RNF220: variants seen among roughly 807,000 people sequenced by gnomAD.
RNF220 encodes the protein E3 ubiquitin-protein ligase RNF220.
Under a neutral mutation model 67.1 loss-of-function variants are expected in RNF220, and 7 were observed. The ratio of observed to expected loss-of-function variants is 0.10; its 90% CI spans 0.06 to 0.20. The LOEUF is 0.20. Among genes scored for constraint, RNF220 ranks in the 10% least tolerant of loss-of-function variants. The pLI is 1.00. For missense variants in RNF220, 565 were observed against 740.3 expected, an observed-to-expected ratio of 0.76 and a Z score of 2.75; for synonymous variants, 270 against 283.2, an observed-to-expected ratio of 0.95 and a Z score of 0.47.
intron 2 of RNF220, among the ~76,000 whole-genome samples, chr1:44,485,189 A>G (rs1656179231): frequency 6.6e-6 from 1 of 152,222 alleles, no homozygotes; most frequent in Non-Finnish European, 1.5e-5. Context: ...TTTGTGGCTC[A>G]GTTGAGGAAC....
rs1276153098 is a variant in RNF220, at chr1:44,460,946, C to T, written c.625+48224C>T. On this transcript the variant is annotated intron_variant, in intron 2 of 14. Coordinates refer to ENST00000361799, the MANE Select transcript of RNF220 (RefSeq NM_018150.4). ...CCTTGCATTCCTGGCCTTCCCCCTT[C>T]CCTGTCAGCACATCTCAATAATTAG... Among the ~76,000 whole-genome samples, 4 of 152,334 alleles carry T rather than the reference C, an allele frequency of 2.6e-5. No individual in the cohort carries two copies. In the East Asian group the frequency reaches 7.7e-4, roughly 29 times the overall value.
At position 44,555,890 on chromosome 1, in the gene RNF220, G is replaced by A. The variant is rs138939192; in HGVS notation, c.626-58275G>A. 5.4e-4 allele frequency among the ~76,000 whole-genome samples: 82 copies of A among 150,842 alleles called. 1 individual carries two copies. The highest frequency in any genetic ancestry group is 1.2e-3 in the Admixed American group (19 of 15,222). On this transcript the variant is annotated intron_variant, in intron 2 of 14. Transcript: ENST00000361799. ...ACTCCTACTAATCTTTCAAGACCCA[G>A]CTAAAGTGATACACCCTTCTTGAAG... is the stretch of plus-strand genomic sequence containing the variant.
rs1666860890 is a variant in RNF220 at position 44,600,721 on chromosome 1, T to C, written c.626-13444T>C. On this transcript the variant is annotated intron_variant, in intron 2 of 14. Coordinates refer to ENST00000361799, the MANE Select transcript of RNF220 (RefSeq NM_018150.4). This position sits in a 1 kb window ranked among gnomAD's most constrained non-coding sequence, Gnocchi z 4.0. ...CTGCAGTCCCAGCTACTCGGGAGGC[T>C]GAGGCAGGAGAATCACTTGAACCCG... Among the ~76,000 whole-genome samples, 1 of 151,922 alleles carries C rather than the reference T, an allele frequency of 6.6e-6. No homozygotes were observed. The highest frequency in any genetic ancestry group is 1.5e-5 in the Non-Finnish European group (1 of 68,014).
rs962254471 is a variant in RNF220, at chr1:44,649,863, C to T, written c.1555-20C>T. The T allele has an allele frequency of 2.5e-6, 4 of 1,613,856 alleles. No individual in the cohort carries two copies. The highest frequency in any genetic ancestry group is 1.3e-5 in the African/African-American group (1 of 74,888). ...TGGGCCTACCTCAGAGTGACCCCTT[C>T]TCTGCCCCCTCCTCCCTAGGACTCG... On this transcript the variant is annotated intron_variant, in intron 13 of 14. Transcript: ENST00000361799. The surrounding 1 kb of genome is among the most constrained non-coding windows in gnomAD (Gnocchi z 5.9).
At chr1:44,489,702 C>T (rs1656674269) in intron 2 of RNF220, among the ~76,000 whole-genome samples, 1 of 152,220 alleles carries the variant, frequency 6.6e-6, no homozygotes, top group Non-Finnish European at 1.5e-5. Context: ...CACGCCCATT[C>T]CTGAACCAAT....
chr1:44,619,643 C>A (rs1643709619), intron 3 of RNF220, among the ~76,000 whole-genome samples: 1 of 152,104 alleles, frequency 6.6e-6, no homozygotes, highest in African/African-American at 2.4e-5. Flanking sequence ...AATTTAAAAC[C>A]CATGGATCAC....
At chr1:44,553,221 T>C (rs1320811858) in intron 2 of RNF220, among the ~76,000 whole-genome samples, 2 of 152,100 alleles carry the variant, frequency 1.3e-5, no homozygotes, top group African/African-American at 2.4e-5. Context: ...GTTATCTTCT[T>C]GTAATTGCCT....
At chr1:44,484,648 A>G (rs1345463014) in intron 2 of RNF220, among the ~76,000 whole-genome samples, 1 of 152,122 alleles carries the variant, frequency 6.6e-6, no homozygotes, top group Non-Finnish European at 1.5e-5. Flanking sequence ...GCTGACTCAC[A>G]TCTGGAGGAG....
intron 8 of RNF220, among the ~76,000 whole-genome samples, chr1:44,642,070 C>T (rs76328205): frequency 0.23 from 34,532 of 152,260 alleles, 5,208 homozygotes; most frequent in Middle Eastern, 0.33. Flanking sequence ...CACCAGCCAT[C>T]AGCCTGGCCA....
intron 2 of RNF220, among the ~76,000 whole-genome samples, chr1:44,502,305 G>T (rs1658000366): frequency 6.6e-6 from 1 of 152,066 alleles, no homozygotes; most frequent in African/African-American, 2.4e-5. Context: ...TTCTCTAAAT[G>T]GCACCACTGT....
Position 44,549,376 on chromosome 1 carries a change from A to T in RNF220, c.626-64789A>T, listed in dbSNP as rs370558034. On this transcript the variant is annotated intron_variant, in intron 2 of 14. Coordinates refer to ENST00000361799, the MANE Select transcript of RNF220 (RefSeq NM_018150.4). ...AAGCGAAGGAGGCAGAGCGCACATGAGGAACTTTTATCACCAAGGGGAATT... is the reference window on the plus strand; with the variant it reads ...AAGCGAAGGAGGCAGAGCGCACATGTGGAACTTTTATCACCAAGGGGAATT... Among the ~76,000 whole-genome samples the T allele has an allele frequency of 5.3e-5, 8 of 152,326 alleles. 1 individual carries two copies. The highest frequency in any genetic ancestry group is 1.9e-4 in the African/African-American group (8 of 41,566).
At chr1:44,629,701 TAATA>T (rs1644059064) in intron 5 of RNF220, among the ~76,000 whole-genome samples, 1 of 151,902 alleles carries the variant, frequency 6.6e-6, no homozygotes, top group African/African-American at 2.4e-5. Flanking sequence ...AAAAAATTAA[TAATA>T]AAGAATACGT....
At chr1:44,615,453 A>G (rs1303372305) in intron 3 of RNF220, among the ~76,000 whole-genome samples, 4 of 152,186 alleles carry the variant, frequency 2.6e-5, no homozygotes, top group Non-Finnish European at 4.4e-5. Context: ...ATAATCTGCT[A>G]CTGAGGGACG....
At chr1:44,559,310 C>T (rs1036014134) in intron 2 of RNF220, among the ~76,000 whole-genome samples, 10 of 152,238 alleles carry the variant, frequency 6.6e-5, no homozygotes, top group African/African-American at 2.4e-4. Flanking sequence ...TTCCCCTCGG[C>T]CCTAGCAGGG....
At position 44,622,646 on chromosome 1, in the gene RNF220, A is replaced by G. The variant is rs1366372148; in HGVS notation, c.759-96A>G. 8 of 1,128,270 alleles carry G rather than the reference A, an allele frequency of 7.1e-6. No homozygotes were observed. Among genetic ancestry groups the G allele is most frequent in the African/African-American group, 3.1e-5 (2 of 65,540 alleles). The allele number at this position is 1,128,270 out of a possible 1,614,324, so 69.9% of individuals were successfully genotyped here. A position where few individuals can be genotyped will look rare whatever the true frequency, so the allele number is the denominator to read the frequency against. On this transcript the variant is annotated intron_variant, in intron 3 of 14. Coordinates refer to ENST00000361799, the MANE Select transcript of RNF220 (RefSeq NM_018150.4). This position sits in a 1 kb window ranked among gnomAD's most constrained non-coding sequence, Gnocchi z 4.3. ...TGAGCTGGGCTGGGCTAGGCGGTCT[A>G]TGCCTTCTCTGTCTTTGGGGTCTTC... is the stretch of plus-strand genomic sequence containing the variant.
At chr1:44,545,906 G>A (rs1425495052) in intron 2 of RNF220, among the ~76,000 whole-genome samples, 4 of 152,028 alleles carry the variant, frequency 2.6e-5, no homozygotes, top group African/African-American at 9.7e-5. Context: ...ACAGGCATGC[G>A]CCACCACGCC....
At chr1:44,605,311 A>AAAAAAG (rs35126399) in intron 2 of RNF220, among the ~76,000 whole-genome samples, 1,760 of 143,424 alleles carry the variant, frequency 0.012, 64 homozygotes, top group African/African-American at 0.043. Flanking sequence ...AAAAAAAAAA[A>AAAAAAG]AGAAAAGAAA....
At chr1:44,595,225 T>C (rs1435740217) in intron 2 of RNF220, among the ~76,000 whole-genome samples, 2 of 152,100 alleles carry the variant, frequency 1.3e-5, no homozygotes, top group Middle Eastern at 3.2e-3. Flanking sequence ...AGGCCCGAGG[T>C]AGGGGTGGGA....
intron 2 of RNF220, among the ~76,000 whole-genome samples, chr1:44,432,452 G>A (rs1352361562): frequency 6.6e-6 from 1 of 152,030 alleles, no homozygotes; most frequent in Non-Finnish European, 1.5e-5. Flanking sequence ...TGTATTTTTA[G>A]TAGAGACAGG....
Sources: allele counts gnomAD v4.1 joint callset (sites outside exome capture counted in the v4.1 genomes callset), GRCh38; gene constraint gnomAD v4.1.1; non-coding constraint Gnocchi (gnomAD v3.1); transcripts MANE v1.5; gene names NCBI Gene and HGNC (gene_info 2026-07-23, HGNC 2026-07-21).